Variants in DRC7 observed in about 807,000 individuals in gnomAD.
DRC7 encodes the protein coiled-coil domain containing 135.
A neutral mutation model predicts 104.4 loss-of-function variants in DRC7; 80 were observed. That is an observed-to-expected ratio of 0.77 (90% CI 0.64 to 0.92). DRC7 has a LOEUF of 0.92. Among genes scored for constraint, DRC7 ranks in the 40% least tolerant of loss-of-function variants. The pLI, the probability that DRC7 is intolerant of heterozygous loss-of-function variation, is 0.00. For synonymous variants in DRC7, 405 were observed against 447.3 expected (o/e 0.91, Z 1.19); for missense variants, 1,034 against 1,141.1 (o/e 0.91, Z 1.35).
intron 8 of DRC7, chr16:57,707,896 G>A (rs905784371): frequency 3.4e-6 from 2 of 591,238 alleles, no homozygotes; most frequent in African/African-American, 3.7e-5. Flanking sequence ...TCCTTCTAAA[G>A]TGTGGATTGT....
At chr16:57,712,477 A>G (rs764987376) in intron 8 of DRC7, among the ~76,000 whole-genome samples, 5 of 152,184 alleles carry the variant, frequency 3.3e-5, no homozygotes, top group Non-Finnish European at 5.9e-5. Context: ...CCTTCTGGTC[A>G]GTAAGTCCCA....
intron 2 of DRC7, among the ~76,000 whole-genome samples, chr16:57,697,595 G>T (rs1466549713): frequency 6.6e-6 from 1 of 151,960 alleles, no homozygotes; most frequent in African/African-American, 2.4e-5. Flanking sequence ...TAAAAAAAAA[G>T]ATAACTGTCA....
In DRC7 at chr16:57,726,867, C is replaced by T. The variant is rs1481911104; in HGVS notation, c.2010C>T (p.Tyr670=). The change falls in exon 15 of 19, where the codon TAC becomes TAT. Residue 670 remains tyrosine, a synonymous_variant. Transcript: ENST00000360716. ...TGGAGCACACCAAGAAGCTGCTCTACCAGTACGAGGCCATGATGCACCTGA... is the reference window on the plus strand; with the variant it reads ...TGGAGCACACCAAGAAGCTGCTCTATCAGTACGAGGCCATGATGCACCTGA... The part of the protein sequence containing the change: ...EPMEHTKKLL[Y]QYEAMMHLKR... The T allele has an allele frequency of 6.2e-7, 1 of 1,613,028 alleles. No homozygotes were observed. Among genetic ancestry groups the T allele is most frequent in the Non-Finnish European group, 8.5e-7 (1 of 1,179,686 alleles).
chr16:57,727,362 T>G lies in DRC7; in HGVS notation c.2149T>G (p.Tyr717Asp), dbSNP rs1256762324. ...EAAHTLTISI[Y>D]DTKRNEKSKE... ...GGCGCACACACTGACCATCTCCATC[T>G]ATGACACCAAGCGGAATGAGAAGAG... Residue 717 changes from tyrosine (Y) to aspartate (D), a missense_variant, in exon 16 of 19, where the codon TAT becomes GAT. Transcript: ENST00000360716. The G allele has an allele frequency of 6.2e-7, 1 of 1,613,426 alleles. No homozygotes were observed. The highest frequency in any genetic ancestry group is 1.3e-5 in the African/African-American group (1 of 74,972).
At chr16:57,725,518 T>C (rs1423803491) in intron 13 of DRC7, 1 of 155,924 alleles carries the variant, frequency 6.4e-6, no homozygotes, top group African/African-American at 2.4e-5. Flanking sequence ...GACTAAACAT[T>C]TGGAAAATAT....
At position 57,728,527 on chromosome 16, in the gene DRC7, C is replaced by T. The variant is rs753935942; in HGVS notation, c.2334C>T (p.Ser778=). ...TGCGCCTCAAGGATGAGTGCCTCAG[C>T]GACTTCAAGCAGCGGCTCATCAACA... The part of the protein sequence containing the change: ...QAVRLKDECL[S]DFKQRLINKA... The change falls in exon 17 of 19, where the codon AGC becomes AGT. Residue 778 remains serine, a synonymous_variant. Coordinates refer to ENST00000360716, the MANE Select transcript of DRC7 (RefSeq NM_001289162.2). 1.1e-5 allele frequency: 18 copies of T among 1,611,466 alleles called. No homozygotes were observed. The highest frequency in any genetic ancestry group is 1.7e-5 in the Admixed American group (1 of 59,846).
chr16:57,727,495 G>A (rs1439684133), intron 16 of DRC7, 86 bp downstream of exon 16: 9 of 951,024 alleles, frequency 9.5e-6, no homozygotes, highest in Non-Finnish European at 1.5e-5. Flanking sequence ...GGATTCTGCT[G>A]AGAAACCCTC....
chr16:57,702,683 C>T lies in DRC7; in HGVS notation c.699+553C>T, dbSNP rs376790653. Among the ~76,000 whole-genome samples the T allele has an allele frequency of 1.5e-3, 227 of 152,178 alleles. 3 individuals are homozygous for T. Among genetic ancestry groups the T allele is most frequent in the South Asian group, 1.0e-2 (48 of 4,822 alleles). ...ACGCATGGTGGCATGTGCCTGTAGTCCCAGTTACTCAGGAGGCTGAGACAG... is the reference window on the plus strand; with the variant it reads ...ACGCATGGTGGCATGTGCCTGTAGTTCCAGTTACTCAGGAGGCTGAGACAG... On this transcript the variant is annotated intron_variant, in intron 6 of 18. Coordinates refer to ENST00000360716, the MANE Select transcript of DRC7 (RefSeq NM_001289162.2).
At chr16:57,704,452 T>C in intron 6 of DRC7, among the ~76,000 whole-genome samples, 1 of 152,020 alleles carries the variant, frequency 6.6e-6, no homozygotes, top group East Asian at 1.9e-4. Context: ...AGTCAACATA[T>C]GAGGCCCTCC....
At position 57,721,675 on chromosome 16, in the gene DRC7, G is replaced by C. The variant is rs1257644897; in HGVS notation, c.1215G>C (p.Glu405Asp). 1 of 1,613,664 alleles carries C rather than the reference G, an allele frequency of 6.2e-7. No homozygotes were observed. The highest frequency in any genetic ancestry group is 8.5e-7 in the Non-Finnish European group (1 of 1,179,698). The change falls in exon 10 of 19, where the codon GAG (glutamate) becomes GAC (aspartate). Residue 405 changes from glutamate to aspartate, a missense_variant. Coordinates refer to ENST00000360716, the MANE Select transcript of DRC7 (RefSeq NM_001289162.2). The part of the protein sequence containing the change: ...DEDDVENLGK[E>D]DEDKSFDMPH... Reference sequence around the variant, plus strand: ...CCCTTCTCTCCCATCAGGGCAAGGAGGATGAGGATAAGAGCTTCGACATGC... The same window carrying C: ...CCCTTCTCTCCCATCAGGGCAAGGACGATGAGGATAAGAGCTTCGACATGC...
At chr16:57,720,930 G>A (rs1399284489) in intron 9 of DRC7, among the ~76,000 whole-genome samples, 1 of 152,134 alleles carries the variant, frequency 6.6e-6, no homozygotes, top group Non-Finnish European at 1.5e-5. Context: ...GGGCATGGTG[G>A]CTCATGCCTG....
At chr16:57,710,679 G>A (rs991310408) in intron 8 of DRC7, among the ~76,000 whole-genome samples, 2 of 152,120 alleles carry the variant, frequency 1.3e-5, no homozygotes, top group South Asian at 4.1e-4. Context: ...GTCCTAGTTT[G>A]CTGAGAGTTT....
chr16:57,725,999 G>C, intron 13 of DRC7, 69 bp from the exon 14 acceptor site: 1 of 1,365,310 alleles, frequency 7.3e-7, no homozygotes. Flanking sequence ...TCCTGCCTGC[G>C]GGCATGCACA....
At chr16:57,718,813 C>T (rs1351331117) in intron 9 of DRC7, among the ~76,000 whole-genome samples, 1 of 151,890 alleles carries the variant, frequency 6.6e-6, no homozygotes, top group Non-Finnish European at 1.5e-5. Context: ...CATAGTGGGA[C>T]CCTGTCTCTA....
In DRC7 at chr16:57,724,621, C is replaced by T. The variant is rs370805097; in HGVS notation, c.1544C>T (p.Ser515Leu). ...ACTCCCGCTCCCCACCCAGTGCACT[C>T]GTACAAGTCCATGCAACCTGAGATG... ...PGHPQALRVH[S>L]YKSMQPEMDR... is the part of the protein sequence containing the mutation. Residue 515 changes from serine to leucine, a missense_variant, in exon 13 of 19, where the codon TCG becomes TTG. Transcript: ENST00000360716. 7 of 1,608,272 alleles carry T rather than the reference C, an allele frequency of 4.4e-6. No individual in the cohort carries two copies. The highest frequency in any genetic ancestry group is 2.7e-5 in the African/African-American group (2 of 74,802).
At chr16:57,727,505 C>A in intron 16 of DRC7, 96 bp downstream of exon 16, 1 of 846,508 alleles carries the variant, frequency 1.2e-6, no homozygotes, top group South Asian at 1.4e-5. Context: ...GAGAAACCCT[C>A]TGTGGGGGAT....
intron 4 of DRC7, among the ~76,000 whole-genome samples, 199 bp downstream of exon 4, chr16:57,699,223 C>T (rs921005979): frequency 6.6e-6 from 1 of 152,176 alleles, no homozygotes; most frequent in Admixed American, 6.5e-5. Flanking sequence ...CCCTGGAGGG[C>T]GGTGGTGGTC....
intron 8 of DRC7, chr16:57,713,962 G>T: frequency 5.0e-6 from 1 of 199,772 alleles, no homozygotes; most frequent in Admixed American, 4.9e-5. Flanking sequence ...GATGGGAGGT[G>T]CAGGTTGTTC....
chr16:57,729,862 G>A (rs2049034816), intron 17 of DRC7, among the ~76,000 whole-genome samples: 2 of 135,930 alleles, frequency 1.5e-5, no homozygotes, highest in Non-Finnish European at 3.1e-5. Flanking sequence ...GGATGGATGG[G>A]TGGATGGATG....
Sources: allele counts gnomAD v4.1 joint callset (sites outside exome capture counted in the v4.1 genomes callset), GRCh38; gene constraint gnomAD v4.1.1; transcripts MANE v1.5; gene names NCBI Gene and HGNC (gene_info 2026-07-23, HGNC 2026-07-21).